TRIP12: variants seen among roughly 807,000 people sequenced by gnomAD.
TRIP12 encodes thyroid hormone receptor interactor 12, also known as E3 ubiquitin-protein ligase TRIP12.
TRIP12 carries 25 observed loss-of-function variants against 244.2 expected under a neutral mutation model. The ratio of observed to expected loss-of-function variants is 0.10; its 90% CI spans 0.07 to 0.14. The LOEUF is 0.14. Ranked by LOEUF, TRIP12 falls within the 10% of genes least tolerant of loss-of-function variation. The probability of loss-of-function intolerance (pLI) is 1.00; values close to 1 mark genes in which losing one functional copy is unlikely to be tolerated. For synonymous variants in TRIP12, 905 were observed against 873.1 expected (o/e 1.04, Z -0.64); for missense variants, 1,677 against 2,486.4 (o/e 0.67, Z 6.92).
chr2:229,837,189 T>C (rs2055047784), intron 5 of TRIP12, among the ~76,000 whole-genome samples: 1 of 152,228 alleles, frequency 6.6e-6, no homozygotes, highest in Non-Finnish European at 1.5e-5. Flanking sequence ...GCATTTACAA[T>C]ACAAGCTTTT....
chr2:229,838,333 T>C (rs2055372300), intron 5 of TRIP12, among the ~76,000 whole-genome samples: 1 of 152,202 alleles, frequency 6.6e-6, no homozygotes, highest in Admixed American at 6.5e-5. Flanking sequence ...TTTGGATACA[T>C]AGGGCTGCTG....
rs183271692 is a variant in TRIP12, at chr2:229,881,391, A to G, written c.-49-1263T>C. Among the ~76,000 whole-genome samples, 9 of 152,340 alleles carry G rather than the reference A, an allele frequency of 5.9e-5. No homozygotes were observed. In the East Asian group the frequency reaches 1.7e-3, roughly 29 times the overall value. Reference sequence around the variant, plus strand: ...AAATTCCAAGTGGAGTTCTTTCATTACTTCTATTTACTGGGAAAGAGAGTG... The same window carrying G: ...AAATTCCAAGTGGAGTTCTTTCATTGCTTCTATTTACTGGGAAAGAGAGTG... On this transcript the variant is annotated intron_variant, in intron 1 of 41. Transcript: ENST00000675903.
intron 1 of TRIP12, among the ~76,000 whole-genome samples, chr2:229,900,188 T>A (rs1170589889): frequency 6.6e-6 from 1 of 152,218 alleles, no homozygotes; most frequent in East Asian, 1.9e-4. Flanking sequence ...TTAGTTGAAC[T>A]TCTACAACCT....
At chr2:229,922,700 C>A (rs1326446812), upstream of TRIP12, 2 of 1,335,762 alleles carry the variant, frequency 1.5e-6, no homozygotes, top group Non-Finnish European at 2.1e-6. Context: ...CCAAGAGCAA[C>A]CGTAGCCCGC....
chr2:229,797,157 A>G (rs2043016119), intron 24 of TRIP12, among the ~76,000 whole-genome samples: 1 of 152,208 alleles, frequency 6.6e-6, no homozygotes, highest in African/African-American at 2.4e-5. Context: ...AATACATTTA[A>G]GGTCTCAGCA....
At chr2:229,854,083 A>T (rs886121483) in intron 4 of TRIP12, among the ~76,000 whole-genome samples, 1 of 152,136 alleles carries the variant, frequency 6.6e-6, no homozygotes. Context: ...GTGCAAGTGC[A>T]GTTTTGTTAT....
intron 37 of TRIP12, among the ~76,000 whole-genome samples, chr2:229,776,976 A>C (rs111437604): frequency 3.3e-4 from 50 of 152,270 alleles, no homozygotes; most frequent in African/African-American, 1.0e-3. Flanking sequence ...TTGAAAATAA[A>C]TCTGTTCTGA....
At chr2:229,892,436 C>G (rs986726303) in intron 1 of TRIP12, among the ~76,000 whole-genome samples, 2 of 152,126 alleles carry the variant, frequency 1.3e-5, no homozygotes, top group African/African-American at 4.8e-5. Flanking sequence ...CTGTTCAAAC[C>G]CTGGCTCTAC....
At chr2:229,868,638 C>T (rs2061975107) in intron 2 of TRIP12, among the ~76,000 whole-genome samples, 1 of 152,004 alleles carries the variant, frequency 6.6e-6, no homozygotes, top group Admixed American at 6.6e-5. Flanking sequence ...TTGCTTCTGA[C>T]TGAACAAATG....
rs557730801 is a variant in TRIP12, at chr2:229,834,568, C to T, written c.1270+2280G>A. Among the ~76,000 whole-genome samples the T allele has an allele frequency of 4.4e-4, 67 of 152,178 alleles. 1 individual carries two copies. In the South Asian group the frequency reaches 0.012, roughly 28 times the overall value. On this transcript the variant is annotated intron_variant, in intron 6 of 41. Coordinates refer to ENST00000675903, the MANE Select transcript of TRIP12 (RefSeq NM_001348323.3). ...TGAGGTCAGGAGTTGGACAGCAGCC[C>T]GGCCAACATGGTGAAACCCCTTCTG... is the stretch of plus-strand genomic sequence containing the variant.
At chr2:229,849,680 T>G (rs185020943) in intron 4 of TRIP12, among the ~76,000 whole-genome samples, 51 of 151,992 alleles carry the variant, frequency 3.4e-4, no homozygotes, top group Middle Eastern at 3.4e-3. Flanking sequence ...CTAGGCAACA[T>G]AGTGAGACCT....
At chr2:229,770,190 A>G (rs1559283277) in intron 39 of TRIP12, among the ~76,000 whole-genome samples, 1 of 152,030 alleles carries the variant, frequency 6.6e-6, no homozygotes, top group Non-Finnish European at 1.5e-5. Context: ...CCTAATCTTA[A>G]ATTTCCGAGC....
intron 38 of TRIP12, 72 bp from the exon 39 acceptor site, chr2:229,771,704 T>C: frequency 8.9e-7 from 1 of 1,124,480 alleles, no homozygotes; most frequent in Non-Finnish European, 1.3e-6. Flanking sequence ...TGTGGCAAAG[T>C]ACAGTGAAAC....
chr2:229,809,217 A>C (rs1473733081), intron 15 of TRIP12, among the ~76,000 whole-genome samples: 1 of 152,226 alleles, frequency 6.6e-6, no homozygotes, highest in Admixed American at 6.5e-5. Flanking sequence ...AGAATTTCAC[A>C]ATTAGTGATT....
chr2:229,859,298 T>C lies in TRIP12; in HGVS notation c.501A>G (p.Ala167=). 6.2e-7 allele frequency: 1 copy of C among 1,614,252 alleles called. No individual in the cohort carries two copies. Among genetic ancestry groups the C allele is most frequent in the African/African-American group, 1.3e-5 (1 of 75,062 alleles). The change falls in exon 4 of 42, where the codon GCA becomes GCG. Residue 167 remains alanine, a synonymous_variant. Transcript: ENST00000675903. The stretch of plus-strand genomic sequence containing the variant: ...GAGCCTTGCTTGTTGATGGTGATTG[T>C]GCAGATTTCAGTTGTTGCTCCTGGT... ...HLDQEQQLKS[A]QSPSTSKAHT...
intron 4 of TRIP12, among the ~76,000 whole-genome samples, chr2:229,857,623 G>A (rs1290238577): frequency 6.7e-6 from 1 of 149,186 alleles, no homozygotes; most frequent in Non-Finnish European, 1.5e-5. Context: ...GGGCAACAGA[G>A]TGAGACTCTG....
chr2:229,798,961 G>T lies in TRIP12; in HGVS notation c.3396C>A (p.Ser1132=). 2.5e-6 allele frequency: 4 copies of T among 1,614,124 alleles called. No individual in the cohort carries two copies. Among genetic ancestry groups the T allele is most frequent in the Non-Finnish European group, 3.4e-6 (4 of 1,180,032 alleles). ...GTGCTGGCTCAATGTTGTTGCTGTT[G>T]GACTGTGTACTTAACCTTCCCCATG... ...PKTWGRLSTQ[S]NSNNIEPART... The change falls in exon 23 of 42, where the codon TCC becomes TCA. Residue 1132 remains serine, a synonymous_variant. Coordinates refer to ENST00000675903, the MANE Select transcript of TRIP12 (RefSeq NM_001348323.3).
At chr2:229,800,436 G>A (rs2043980989) in intron 21 of TRIP12, among the ~76,000 whole-genome samples, 1 of 151,898 alleles carries the variant, frequency 6.6e-6, no homozygotes, top group South Asian at 2.1e-4. Context: ...GTTGGTCTGT[G>A]GCCCAAATAA....
At chr2:229,864,031 AGAGAGAGAGAGAGAGAGTGTGTGTGT>A (rs1235059560) in intron 2 of TRIP12, among the ~76,000 whole-genome samples, 1 of 140,868 alleles carries the variant, frequency 7.1e-6, no homozygotes, top group African/African-American at 2.7e-5. Context: ...AGAGAGAGAG[AGAGAGAGAGAGAGAGAGTGTGTGTGT>A]GTGTGTGTGT....
Sources: allele counts gnomAD v4.1 joint callset (sites outside exome capture counted in the v4.1 genomes callset), GRCh38; gene constraint gnomAD v4.1.1; transcripts MANE v1.5; gene names NCBI Gene and HGNC (gene_info 2026-07-23, HGNC 2026-07-21).